Variants in TARS3 observed in about 807,000 individuals in gnomAD.
TARS3 encodes threonyl-tRNA synthetase 3.
Under a neutral mutation model 103.5 loss-of-function variants are expected in TARS3, and 94 were observed. The ratio of observed to expected loss-of-function variants is 0.91; its 90% confidence interval spans 0.77 to 1.08. TARS3 has a LOEUF of 1.08. TARS3 is among the 50% of genes least tolerant of loss of function. TARS3 has a pLI of 0.00. For missense variants in TARS3, 952 were observed against 995.2 expected (o/e 0.96, Z 0.58); for synonymous variants, 416 against 355.4 (o/e 1.17, Z -1.92).
intron 15 of TARS3, among the ~76,000 whole-genome samples, chr15:101,663,726 C>T (rs1897470986): frequency 6.6e-6 from 1 of 152,040 alleles, no homozygotes; most frequent in Non-Finnish European, 1.5e-5. Context: ...TGTTGGATTT[C>T]TCTATATTTT....
chr15:101,703,781 TTGAA>T (rs1344112159), intron 8 of TARS3, 74 bp downstream of exon 8: 4 of 843,566 alleles, frequency 4.7e-6, no homozygotes, highest in Non-Finnish European at 7.9e-6. Context: ...AAAGATATGA[TTGAA>T]TAAGATATGA....
chr15:101,691,486 GC>G (rs1898722117), intron 10 of TARS3, among the ~76,000 whole-genome samples: 1 of 149,734 alleles, frequency 6.7e-6, no homozygotes, highest in Admixed American at 6.7e-5. Flanking sequence ...CACCATGTTG[GC>G]CAGGCTGGTC....
At position 101,657,047 on chromosome 15, in the gene TARS3, A is replaced by G. The variant is rs2141377458; in HGVS notation, c.2146-11T>C. 1 of 1,548,090 alleles carries G rather than the reference A, an allele frequency of 6.5e-7. No individual in the cohort carries two copies. Among genetic ancestry groups the G allele is most frequent in the Non-Finnish European group, 8.9e-7 (1 of 1,121,038 alleles). On this transcript the variant is annotated splice_polypyrimidine_tract_variant and intron_variant, in intron 17 of 18. Transcript: ENST00000335968. ...AAATTCACTGGATACCTAGAAGAAA[A>G]TGAAACACCTTTACTGTTACATTAT...
intron 15 of TARS3, among the ~76,000 whole-genome samples, chr15:101,669,651 C>A (rs966404838): frequency 1.3e-5 from 2 of 152,174 alleles, no homozygotes; most frequent in Non-Finnish European, 2.9e-5. Context: ...TGTTTTGATA[C>A]ACAAATACCT....
chr15:101,723,141 G>A lies in TARS3; in HGVS notation c.321C>T (p.Asp107=). 6.2e-7 allele frequency: 1 copy of A among 1,613,960 alleles called. No homozygotes were observed. The highest frequency in any genetic ancestry group is 8.5e-7 in the Non-Finnish European group (1 of 1,179,972). Residue 107 remains aspartate, a synonymous_variant, in exon 2 of 19, where the codon GAC becomes GAT. Coordinates refer to ENST00000335968, the MANE Select transcript of TARS3 (RefSeq NM_152334.3). ...TCATTTTCTTCTTTTTCATGTCCTT[G>A]TCTTGGCTTTGACTAGGAGGAGGCT... ...GAQPPPSQSQ[D]KDMKKKKMKE...
rs1429628813 is a variant in TARS3, at chr15:101,721,856, T to G, written c.370-534A>C. Among the ~76,000 whole-genome samples, 3 of 152,312 alleles carry G rather than the reference T, an allele frequency of 2.0e-5. No homozygotes were observed. In the East Asian group the frequency reaches 5.8e-4, roughly 29 times the overall value. On this transcript the variant is annotated intron_variant, in intron 2 of 18. Transcript: ENST00000335968. ...CATTCAGTAGAAACTGTACTTTGAG[T>G]ATCCATACAACCATTGTGTTTTTCA...
chr15:101,663,762 T>C (rs1897472516), intron 15 of TARS3, among the ~76,000 whole-genome samples: 1 of 152,236 alleles, frequency 6.6e-6, no homozygotes, highest in Non-Finnish European at 1.5e-5. Flanking sequence ...TAATTTTATC[T>C]CTTGCTTTCA....
At chr15:101,706,211 C>T (rs1040954623) in intron 6 of TARS3, among the ~76,000 whole-genome samples, 3 of 152,170 alleles carry the variant, frequency 2.0e-5, no homozygotes, top group African/African-American at 7.2e-5. Flanking sequence ...TGGTCTCAAA[C>T]TCCTGACCTC....
At chr15:101,705,608 A>C in intron 7 of TARS3, 75 bp downstream of exon 7, 1 of 1,291,950 alleles carries the variant, frequency 7.7e-7, no homozygotes. Flanking sequence ...CTCCAACCAG[A>C]AAACAAACTC....
At chr15:101,685,482 TG>T (rs1169752184) in intron 11 of TARS3, among the ~76,000 whole-genome samples, 1 of 152,158 alleles carries the variant, frequency 6.6e-6, no homozygotes, top group African/African-American at 2.4e-5. Context: ...GGAAGAAAAA[TG>T]GTATCTTGGA....
intron 3 of TARS3, among the ~76,000 whole-genome samples, chr15:101,720,859 G>C (rs1369883628): frequency 6.6e-6 from 1 of 152,102 alleles, no homozygotes; most frequent in Admixed American, 6.5e-5. Flanking sequence ...CCCCCACTTT[G>C]CTCTGCACTT....
chr15:101,709,192 T>G (rs1899731477), intron 5 of TARS3, among the ~76,000 whole-genome samples: 1 of 152,216 alleles, frequency 6.6e-6, no homozygotes, highest in South Asian at 2.1e-4. Flanking sequence ...CTGAGGCCTG[T>G]TCTTTTGTGT....
chr15:101,679,307 C>G (rs2141400597), intron 12 of TARS3, among the ~76,000 whole-genome samples: 1 of 152,270 alleles, frequency 6.6e-6, no homozygotes, highest in South Asian at 2.1e-4. Context: ...TTCTCAGGCT[C>G]TGTTCTTTTC....
intron 10 of TARS3, among the ~76,000 whole-genome samples, chr15:101,694,783 A>G (rs1336194442): frequency 1.3e-5 from 2 of 152,240 alleles, no homozygotes; most frequent in South Asian, 4.1e-4. Flanking sequence ...TTAAAAAGAT[A>G]GTTTTATTAC....
chr15:101,663,801 G>C (rs889934247), intron 15 of TARS3, among the ~76,000 whole-genome samples: 2 of 152,112 alleles, frequency 1.3e-5, no homozygotes, highest in African/African-American at 4.8e-5. Flanking sequence ...ATAATTTTGA[G>C]TAACAATACA....
chr15:101,689,490 A>G (rs1898615267), intron 10 of TARS3, among the ~76,000 whole-genome samples: 1 of 152,044 alleles, frequency 6.6e-6, no homozygotes, highest in African/African-American at 2.4e-5. Flanking sequence ...GGTAGATCCT[A>G]ATACTATATG....
chr15:101,680,015 G>A (rs746040000), intron 12 of TARS3, among the ~76,000 whole-genome samples: 2 of 152,150 alleles, frequency 1.3e-5, no homozygotes, highest in African/African-American at 2.4e-5. Context: ...AAGCAGGACT[G>A]GAAGAGGCAC....
At chr15:101,718,304 G>A (rs1900265407) in intron 3 of TARS3, among the ~76,000 whole-genome samples, 1 of 152,022 alleles carries the variant, frequency 6.6e-6, no homozygotes, top group African/African-American at 2.4e-5. Context: ...GAGGGCGGAG[G>A]TTGTGGTGAG....
At chr15:101,699,448 A>G (rs1899145940) in intron 10 of TARS3, 2 of 455,932 alleles carry the variant, frequency 4.4e-6, no homozygotes, top group African/African-American at 4.0e-5. Context: ...ATAAAAAATA[A>G]GAGATCCCCT....
Sources: gnomAD v4.1 joint callset for allele counts (sites outside exome capture counted in the v4.1 genomes callset) on GRCh38, gnomAD v4.1.1 for gene constraint, MANE v1.5 for transcripts, NCBI Gene and HGNC (gene_info 2026-07-23, HGNC 2026-07-21) for gene names.